Variants in HS6ST3 observed in about 807,000 individuals in gnomAD.
HS6ST3 encodes heparan sulfate 6-O-sulfotransferase 3, also known as heparan-sulfate 6-O-sulfotransferase 3.
Under a neutral mutation model 36.7 loss-of-function variants are expected in HS6ST3, and 12 were observed. The ratio of observed to expected loss-of-function variants is 0.33; its 90% confidence interval spans 0.21 to 0.53. The LOEUF (loss-of-function observed/expected upper bound fraction) is 0.53. HS6ST3 is among the 20% of genes least tolerant of loss of function. The probability of loss-of-function intolerance (pLI) is 0.95; values close to 1 mark genes in which losing one functional copy is unlikely to be tolerated. For missense variants in HS6ST3, 584 were observed against 640.9 expected (o/e 0.91, Z 0.96); for synonymous variants, 240 against 257.5 (o/e 0.93, Z 0.65).
intron 1 of HS6ST3, among the ~76,000 whole-genome samples, chr13:96,665,050 T>C (rs1240356219): frequency 6.6e-6 from 1 of 152,054 alleles, no homozygotes; most frequent in Non-Finnish European, 1.5e-5. Flanking sequence ...TGTATGCCTA[T>C]AGTCCCAACT....
intron 1 of HS6ST3, among the ~76,000 whole-genome samples, chr13:96,389,641 G>A (rs1299906353): frequency 1.3e-5 from 2 of 152,088 alleles, no homozygotes; most frequent in Non-Finnish European, 1.5e-5. Context: ...AAGGCACTAT[G>A]TATGAAAATA....
At chr13:96,393,157 G>A (rs768181597) in intron 1 of HS6ST3, among the ~76,000 whole-genome samples, 3 of 152,092 alleles carry the variant, frequency 2.0e-5, no homozygotes, top group African/African-American at 4.8e-5. Context: ...CACCATGATT[G>A]TGAGGCCTCC....
intron 1 of HS6ST3, among the ~76,000 whole-genome samples, chr13:96,359,768 T>C (rs1409708060): frequency 6.6e-6 from 1 of 152,116 alleles, no homozygotes; most frequent in African/African-American, 2.4e-5. Context: ...CTGAAAAACT[T>C]CAGATTTGGC....
At position 96,832,503 on chromosome 13, in the gene HS6ST3, A is replaced by C. The variant is rs927498549; in HGVS notation, c.721A>C (p.Ile241Leu). The C allele has an allele frequency of 8.9e-6, 14 of 1,565,568 alleles. No individual in the cohort carries two copies. Among genetic ancestry groups the C allele is most frequent in the Non-Finnish European group, 1.2e-5 (14 of 1,157,238 alleles). Residue 241 changes from isoleucine (I) to leucine (L), a missense_variant, in exon 2 of 2, where the codon ATC becomes CTC. By Grantham distance (5) the Ile-to-Leu change is conservative. Transcript: ENST00000376705. ...NHSHTRNFYY[I>L]TMLRDPVSRY... ...AATTTCTTCTAGGAATTTCTATTAC[A>C]TCACAATGTTACGGGATCCAGTGTC...
chr13:96,799,946 A>G (rs28490198), intron 1 of HS6ST3, among the ~76,000 whole-genome samples: 4,919 of 75,924 alleles, frequency 0.065, 145 homozygotes, highest in African/African-American at 0.14. Flanking sequence ...ATGTGTGTGT[A>G]TATATATATA....
intron 1 of HS6ST3, among the ~76,000 whole-genome samples, chr13:96,380,440 A>C (rs2055335539): frequency 6.6e-6 from 1 of 151,462 alleles, no homozygotes; most frequent in Non-Finnish European, 1.5e-5. Flanking sequence ...TAATTTTTGT[A>C]CTTTTAGTAG....
chr13:96,591,055 GT>G (rs58622082), intron 1 of HS6ST3, among the ~76,000 whole-genome samples: 5,451 of 140,584 alleles, frequency 0.039, 283 homozygotes, highest in African/African-American at 0.13. Flanking sequence ...CTAGATGTCT[GT>G]TTTTTTTTTT....
chr13:96,660,289 A>C (rs1332778413), intron 1 of HS6ST3, among the ~76,000 whole-genome samples: 1 of 152,176 alleles, frequency 6.6e-6, no homozygotes, highest in Non-Finnish European at 1.5e-5. Context: ...TATTTTAAAA[A>C]TAATACATAC....
intron 1 of HS6ST3, among the ~76,000 whole-genome samples, chr13:96,278,400 T>G (rs940233779): frequency 2.6e-5 from 4 of 152,192 alleles, no homozygotes; most frequent in African/African-American, 9.7e-5. Flanking sequence ...CTCTTTTCAT[T>G]TGCAGTGCCA....
At position 96,536,112 on chromosome 13, in the gene HS6ST3, A is replaced by G. The variant is rs1192066304; in HGVS notation, c.708-296378A>G. On this transcript the variant is annotated intron_variant, in intron 1 of 1. Coordinates refer to ENST00000376705, the MANE Select transcript of HS6ST3 (RefSeq NM_153456.4). ...CCCTTATGTGTACCCCCATGCTTAA[A>G]TTTTCAACGTGAAGCATTCAAAGGG... is the stretch of plus-strand genomic sequence containing the variant. Among the ~76,000 whole-genome samples the G allele has an allele frequency of 2.0e-5, 3 of 152,130 alleles. No homozygotes were observed. The East Asian group carries it at 5.8e-4, about 29-fold the overall frequency.
At chr13:96,749,950 G>A (rs1033735030) in intron 1 of HS6ST3, among the ~76,000 whole-genome samples, 1 of 151,916 alleles carries the variant, frequency 6.6e-6, no homozygotes, top group East Asian at 1.9e-4. Flanking sequence ...ATGGGCATAA[G>A]AATAAATCAC....
chr13:96,263,209 A>G (rs1219896980), intron 1 of HS6ST3, among the ~76,000 whole-genome samples: 3 of 152,260 alleles, frequency 2.0e-5, no homozygotes, highest in East Asian at 3.9e-4. Flanking sequence ...CTATGGTGAC[A>G]TGTCACTTAT....
chr13:96,532,884 A>G (rs1318460790), intron 1 of HS6ST3, among the ~76,000 whole-genome samples: 2 of 152,146 alleles, frequency 1.3e-5, no homozygotes, highest in East Asian at 3.9e-4. Flanking sequence ...ATGGAACAAA[A>G]AGAGGGTGGG....
rs374243500 is a variant in HS6ST3, at chr13:96,325,809, T to C, written c.707+234240T>C. Among the ~76,000 whole-genome samples, 508 of 152,330 alleles carry C rather than the reference T, an allele frequency of 3.3e-3. 4 individuals carry two copies. Among genetic ancestry groups the C allele is most frequent in the Non-Finnish European group, 5.9e-3 (400 of 68,022 alleles). On this transcript the variant is annotated intron_variant, in intron 1 of 1. Transcript: ENST00000376705. ...AAATTGGTTGAGAAAGTTTTTAAGA[T>C]ATTGTGAAATCCACTTAAATTGACA...
intron 1 of HS6ST3, among the ~76,000 whole-genome samples, chr13:96,625,961 C>G (rs1474793058): frequency 6.6e-6 from 1 of 151,902 alleles, no homozygotes; most frequent in Non-Finnish European, 1.5e-5. Flanking sequence ...CTGCCTCAGC[C>G]TCTCAGCTGG....
rs773915233 is a variant in HS6ST3, at chr13:96,833,203, C to T, written c.*5C>T. ...AGCCAGGTGGTGAGATGGTGACCTC[C>T]TGCCCTCTCCTCTCTCAGGAGGGGG... On this transcript the variant is annotated 3_prime_UTR_variant, in exon 2 of 2. Coordinates refer to ENST00000376705, the MANE Select transcript of HS6ST3 (RefSeq NM_153456.4). The T allele has an allele frequency of 2.0e-6, 3 of 1,525,728 alleles. No homozygotes were observed. Among genetic ancestry groups the T allele is most frequent in the Non-Finnish European group, 1.7e-6 (2 of 1,144,992 alleles). The allele number at this position is 1,525,728 out of a possible 1,614,324, so 94.5% of individuals were successfully genotyped here.
At chr13:96,314,564 A>T (rs940974531) in intron 1 of HS6ST3, among the ~76,000 whole-genome samples, 3 of 152,188 alleles carry the variant, frequency 2.0e-5, no homozygotes, top group African/African-American at 7.2e-5. Flanking sequence ...AGCAGTCTAT[A>T]TGTCTTTGGA....
At chr13:96,375,422 G>A (rs372481420) in intron 1 of HS6ST3, among the ~76,000 whole-genome samples, 21 of 152,246 alleles carry the variant, frequency 1.4e-4, no homozygotes, top group African/African-American at 5.1e-4. Context: ...TATTTCTGCT[G>A]TATTCCAATG....
intron 1 of HS6ST3, among the ~76,000 whole-genome samples, chr13:96,425,189 C>A (rs958304966): frequency 6.6e-6 from 1 of 152,162 alleles, no homozygotes; most frequent in Non-Finnish European, 1.5e-5. Flanking sequence ...AAGCATGGCA[C>A]CAGCCTCTTA....
Sources: allele counts gnomAD v4.1 joint callset (sites outside exome capture counted in the v4.1 genomes callset), GRCh38; gene constraint gnomAD v4.1.1; transcripts MANE v1.5; gene names NCBI Gene and HGNC (gene_info 2026-07-23, HGNC 2026-07-21).